EYA2: variants seen among roughly 807,000 people sequenced by gnomAD.
EYA2 encodes EYA transcriptional coactivator and phosphatase 2.
Under a neutral mutation model 69.2 loss-of-function variants are expected in EYA2, and 31 were observed. The observed-to-expected ratio is 0.45, with a 90% CI of 0.34 to 0.60. The LOEUF is 0.60. Ranked by LOEUF, EYA2 falls within the 20% of genes least tolerant of loss-of-function variation. The probability of loss-of-function intolerance (pLI) is 0.02; values close to 1 mark genes in which losing one functional copy is unlikely to be tolerated. For synonymous variants in EYA2, 257 were observed against 279.4 expected (o/e 0.92, Z 0.80); for missense variants, 622 against 701.2 (o/e 0.89, Z 1.28).
chr20:47,058,103 G>C (rs897328871), intron 5 of EYA2, among the ~76,000 whole-genome samples: 1 of 95,118 alleles, frequency 1.1e-5, no homozygotes, highest in East Asian at 3.3e-4. Context: ...TTAATACCGG[G>C]TTTGGCCCAG....
At chr20:46,988,143 T>C (rs1261581135) in intron 1 of EYA2, among the ~76,000 whole-genome samples, 2 of 148,994 alleles carry the variant, frequency 1.3e-5, no homozygotes, top group Non-Finnish European at 3.0e-5. Flanking sequence ...ATGTGGGTTA[T>C]ATGCAAATAC....
At position 47,021,606 on chromosome 20, in the gene EYA2, G is replaced by A. The variant is rs568345158; in HGVS notation, c.415+5309G>A. Among the ~76,000 whole-genome samples the A allele has an allele frequency of 4.2e-4, 57 of 134,616 alleles. No homozygotes were observed. The Middle Eastern group carries it at 0.013, about 31-fold the overall frequency. The allele number at this position is 134,616 out of a possible 152,430, so 88.3% of individuals were successfully genotyped here. ...CACGCCACTGCACTCCAGTCTAGGC[G>A]ACAAAGCGAGACTCCATCTCAAAAA... On this transcript the variant is annotated intron_variant, in intron 5 of 15. Coordinates refer to ENST00000327619, the MANE Select transcript of EYA2 (RefSeq NM_005244.5).
intron 3 of EYA2, among the ~76,000 whole-genome samples, chr20:47,003,403 G>T (rs1431983065): frequency 6.6e-6 from 1 of 152,244 alleles, no homozygotes; most frequent in Non-Finnish European, 1.5e-5. Flanking sequence ...AGTGGCCCTT[G>T]TAGGCATTGT....
In EYA2 at chr20:47,072,190, A is replaced by G. The variant is rs759074312; in HGVS notation, c.421A>G (p.Thr141Ala). The G allele has an allele frequency of 2.5e-6, 4 of 1,612,962 alleles. No homozygotes were observed. In the East Asian group the frequency reaches 6.7e-5, roughly 27 times the overall value. Residue 141 changes from threonine (T) to alanine (A), a missense_variant, in exon 6 of 16, where the codon ACA becomes GCA. Transcript: ENST00000327619. The part of the protein sequence containing the change: ...SPYTYQMHGT[T>A]GFYQGGNGLG... The stretch of plus-strand genomic sequence containing the variant: ...CCTGTTCCTCCTTCCCACAGGCACA[A>G]CAGGGTTCTATCAAGGAGGAAATGG...
intron 4 of EYA2, 139 bp from the exon 5 acceptor site, chr20:47,016,042 A>T (rs1983386265): frequency 2.9e-6 from 2 of 695,662 alleles, no homozygotes; most frequent in Non-Finnish European, 5.2e-6. Flanking sequence ...TTTGGCTGAC[A>T]AGCCACCAGT....
intron 1 of EYA2, among the ~76,000 whole-genome samples, chr20:46,931,808 T>C (rs1274717366): frequency 2.0e-5 from 3 of 152,008 alleles, no homozygotes; most frequent in African/African-American, 7.3e-5. Context: ...AGTAGCCGGA[T>C]TTGGCTTGAG....
At chr20:46,903,489 C>A (rs1984213369) in intron 1 of EYA2, among the ~76,000 whole-genome samples, 1 of 152,224 alleles carries the variant, frequency 6.6e-6, no homozygotes, top group South Asian at 2.1e-4. Flanking sequence ...ACTTTCCAAA[C>A]CTCAGCCTGG....
chr20:47,058,572 T>A (rs1327263202), intron 5 of EYA2, among the ~76,000 whole-genome samples: 1 of 152,084 alleles, frequency 6.6e-6, no homozygotes, highest in Non-Finnish European at 1.5e-5. Flanking sequence ...AGGCCAGGTG[T>A]GGTAGCTCAT....
At chr20:46,940,627 C>G (rs1986114347) in intron 1 of EYA2, among the ~76,000 whole-genome samples, 1 of 152,198 alleles carries the variant, frequency 6.6e-6, no homozygotes, top group Non-Finnish European at 1.5e-5. Flanking sequence ...AGGCCCAGGT[C>G]TGTGGGCCTC....
intron 1 of EYA2, among the ~76,000 whole-genome samples, chr20:46,974,656 G>C (rs1980343102): frequency 6.6e-6 from 1 of 152,174 alleles, no homozygotes; most frequent in Non-Finnish European, 1.5e-5. Flanking sequence ...TGGCAGGAAG[G>C]ACTCTTCCCT....
At chr20:47,080,799 C>T (rs1303847489) in intron 7 of EYA2, among the ~76,000 whole-genome samples, 1 of 152,078 alleles carries the variant, frequency 6.6e-6, no homozygotes, top group African/African-American at 2.4e-5. Context: ...CTCGTGCAGG[C>T]GAACTGCCAC....
chr20:46,964,341 A>G (rs1177950969), intron 1 of EYA2, among the ~76,000 whole-genome samples: 1 of 152,072 alleles, frequency 6.6e-6, no homozygotes, highest in Non-Finnish European at 1.5e-5. Context: ...ACAGATTTGG[A>G]GGAGGTGGGC....
intron 5 of EYA2, among the ~76,000 whole-genome samples, chr20:47,039,247 C>G (rs1325498930): frequency 6.6e-6 from 1 of 152,152 alleles, no homozygotes; most frequent in Non-Finnish European, 1.5e-5. Context: ...CACCCATGAG[C>G]TTAAAATGGG....
intron 1 of EYA2, among the ~76,000 whole-genome samples, chr20:46,915,255 G>A (rs1485917531): frequency 1.3e-5 from 2 of 152,148 alleles, no homozygotes; most frequent in Non-Finnish European, 2.9e-5. Flanking sequence ...GGTGTGTTGT[G>A]TTTTTTTAAA....
At chr20:46,954,040 A>G (rs1461608198) in intron 1 of EYA2, among the ~76,000 whole-genome samples, 5 of 152,156 alleles carry the variant, frequency 3.3e-5, no homozygotes, top group African/African-American at 9.7e-5. Context: ...TCTTTCTGAC[A>G]TTCAGACACA....
chr20:47,184,592 A>ATTTTT, intron 15 of EYA2, among the ~76,000 whole-genome samples: 1 of 145,976 alleles, frequency 6.9e-6, no homozygotes, highest in East Asian at 2.0e-4. Context: ...AATTTTTTGT[A>ATTTTT]TTTTTTTTTT....
chr20:46,916,866 A>G (rs1175716947), intron 1 of EYA2, among the ~76,000 whole-genome samples: 1 of 152,178 alleles, frequency 6.6e-6, no homozygotes, highest in East Asian at 1.9e-4. Flanking sequence ...GTTCGAAGTG[A>G]GCTTTGGACC....
At chr20:46,977,269 T>A (rs1255801489) in intron 1 of EYA2, among the ~76,000 whole-genome samples, 2 of 152,270 alleles carry the variant, frequency 1.3e-5, no homozygotes, top group African/African-American at 4.8e-5. Context: ...ATCTGAAATT[T>A]TAAAATGTAT....
chr20:46,951,454 T>C (rs1018722855), intron 1 of EYA2, among the ~76,000 whole-genome samples: 1 of 152,108 alleles, frequency 6.6e-6, no homozygotes, highest in Non-Finnish European at 1.5e-5. Context: ...CTGTAGTGGG[T>C]TCTACCCTCT....
Sources: allele counts gnomAD v4.1 joint callset (sites outside exome capture counted in the v4.1 genomes callset), GRCh38; gene constraint gnomAD v4.1.1; transcripts MANE v1.5; gene names NCBI Gene and HGNC (gene_info 2026-07-23, HGNC 2026-07-21).